FRMPD4: variants seen among roughly 807,000 people sequenced by gnomAD.
FRMPD4 encodes FERM and PDZ domain-containing protein 4.
A neutral mutation model predicts 94.1 loss-of-function variants in FRMPD4; 22 were observed. The ratio of observed to expected loss-of-function variants is 0.23; its 90% CI spans 0.17 to 0.33. The LOEUF is 0.33. FRMPD4 is among the 10% of genes least tolerant of loss of function. FRMPD4 has a pLI of 1.00. For missense variants in FRMPD4, 1,111 were observed against 1,339.9 expected (o/e 0.83, Z 2.67); for synonymous variants, 631 against 548.6 (o/e 1.15, Z -2.10).
At position 12,204,279 on chromosome X, in the gene FRMPD4, A is replaced by G. The variant is rs192621766; in HGVS notation, c.41+65267A>G. ...AAGAATTACCCAGCCCAAAATGTCA[A>G]TAGTGCCACAGTTAAGAAATTCTGC... is the stretch of plus-strand genomic sequence containing the variant. On this transcript the variant is annotated intron_variant, in intron 1 of 16. Transcript: ENST00000675598. Among the ~76,000 whole-genome samples, 8 of 112,596 alleles carry G rather than the reference A, an allele frequency of 7.1e-5. No homozygotes were observed. In the East Asian group the frequency reaches 1.4e-3, roughly 20 times the overall value.
At chrX:12,431,759 AAT>A (rs1460982255) in intron 1 of FRMPD4, among the ~76,000 whole-genome samples, 4 of 112,307 alleles carry the variant, frequency 3.6e-5, no homozygotes, top group Non-Finnish European at 7.5e-5. Flanking sequence ...TTGTTTACAC[AAT>A]ATGTTTGCCT....
intron 4 of FRMPD4, among the ~76,000 whole-genome samples, chrX:12,641,113 C>T (rs1263515847): frequency 9.0e-6 from 1 of 111,104 alleles, no homozygotes; most frequent in Admixed American, 9.6e-5. Context: ...AGGTTGGACT[C>T]CCAGAAACTG....
intron 1 of FRMPD4, among the ~76,000 whole-genome samples, chrX:12,160,409 G>A: frequency 9.0e-6 from 1 of 111,440 alleles, no homozygotes; most frequent in Admixed American, 9.5e-5. Context: ...TTAGAACCAT[G>A]GTTTTGACCA....
At chrX:12,597,774 G>A (rs1382933874) in intron 2 of FRMPD4, among the ~76,000 whole-genome samples, 2 of 112,200 alleles carry the variant, frequency 1.8e-5, no homozygotes, top group African/African-American at 3.2e-5. Flanking sequence ...CAAATTTGGT[G>A]TTCTTCTCTC....
At chrX:12,629,438 A>C (rs908952379) in intron 4 of FRMPD4, among the ~76,000 whole-genome samples, 3 of 112,248 alleles carry the variant, frequency 2.7e-5, no homozygotes, top group African/African-American at 9.7e-5. Flanking sequence ...TCTGAGTTCA[A>C]GTTCTACCTC....
At chrX:11,887,395 C>T (rs2053851742) in intron 3 of FRMPD4, among the ~76,000 whole-genome samples, 1 of 111,731 alleles carries the variant, frequency 9.0e-6, no homozygotes, top group Non-Finnish European at 1.9e-5. Flanking sequence ...ACATACCTCG[C>T]TCCACATGTA....
chrX:12,281,064 G>T (rs1429818214), intron 1 of FRMPD4, among the ~76,000 whole-genome samples: 3 of 112,139 alleles, frequency 2.7e-5, no homozygotes, highest in African/African-American at 9.7e-5. Flanking sequence ...AAGCATTACT[G>T]TGGGAAAAGT....
At chrX:12,182,581 T>A (rs67578541) in intron 1 of FRMPD4, among the ~76,000 whole-genome samples, 78 of 94,947 alleles carry the variant, frequency 8.2e-4, no homozygotes, top group African/African-American at 5.8e-4. Flanking sequence ...TAAATAAATA[T>A]ATATATATAT....
intron 3 of FRMPD4, among the ~76,000 whole-genome samples, chrX:12,131,572 C>T (rs1380655161): frequency 9.0e-6 from 1 of 111,702 alleles, no homozygotes; most frequent in African/African-American, 3.3e-5. Flanking sequence ...TTCTGTTGTT[C>T]TTTCTTATGC....
chrX:12,456,692 A>G (rs1014117019), intron 1 of FRMPD4, among the ~76,000 whole-genome samples: 6 of 113,158 alleles, frequency 5.3e-5, no homozygotes, highest in African/African-American at 1.9e-4. Flanking sequence ...TAAGATTCTT[A>G]AATAATTTTG....
intron 5 of FRMPD4, among the ~76,000 whole-genome samples, chrX:12,680,297 T>C (rs776523436): frequency 8.9e-6 from 1 of 112,414 alleles, no homozygotes; most frequent in African/African-American, 3.2e-5. Flanking sequence ...ACTTGTTATT[T>C]CCACCACAGG....
chrX:12,238,194 A>G (rs1259481797), intron 1 of FRMPD4, among the ~76,000 whole-genome samples: 1 of 111,611 alleles, frequency 9.0e-6, no homozygotes, highest in African/African-American at 3.3e-5. Context: ...GTGCCATCTC[A>G]GCTCACCACA....
chrX:12,543,089 C>T (rs986480864), intron 2 of FRMPD4, among the ~76,000 whole-genome samples: 4 of 111,494 alleles, frequency 3.6e-5, no homozygotes, highest in African/African-American at 1.3e-4. Flanking sequence ...AAAATTAATT[C>T]AAGATGGATT....
At chrX:12,464,236 G>A (rs1352705980) in intron 1 of FRMPD4, among the ~76,000 whole-genome samples, 1 of 111,539 alleles carries the variant, frequency 9.0e-6, no homozygotes, top group Non-Finnish European at 1.9e-5. Flanking sequence ...AGAAAAGTGG[G>A]GAGACCTCAT....
At chrX:12,455,645 G>A (rs774584473) in intron 1 of FRMPD4, among the ~76,000 whole-genome samples, 1 of 111,608 alleles carries the variant, frequency 9.0e-6, no homozygotes, top group Non-Finnish European at 1.9e-5. Context: ...ATGACCAGTG[G>A]CCTAGGACAT....
At chrX:12,206,817 T>C (rs770810414) in intron 1 of FRMPD4, among the ~76,000 whole-genome samples, 64 of 112,495 alleles carry the variant, frequency 5.7e-4, no homozygotes, top group Non-Finnish European at 9.6e-4. Flanking sequence ...CAACAAATTA[T>C]CCTTTAATTA....
chrX:11,997,359 A>C (rs1475204447), intron 3 of FRMPD4, among the ~76,000 whole-genome samples: 1 of 111,970 alleles, frequency 8.9e-6, no homozygotes, highest in African/African-American at 3.2e-5. Context: ...AAGAAGAAGG[A>C]GTTCAAGGTT....
intron 1 of FRMPD4, among the ~76,000 whole-genome samples, chrX:12,316,321 G>GT (rs200259407): frequency 9.0e-4 from 92 of 102,138 alleles, no homozygotes; most frequent in South Asian, 4.7e-3. Flanking sequence ...TAATTTTTGT[G>GT]TTTTTTTTTT....
intron 3 of FRMPD4, among the ~76,000 whole-genome samples, chrX:12,053,370 G>T (rs1421128210): frequency 1.9e-5 from 1 of 52,834 alleles, no homozygotes; most frequent in African/African-American, 7.2e-5. Flanking sequence ...AAGAAAGAAA[G>T]AAAGAAAGAA....
Sources: allele counts gnomAD v4.1 joint callset (sites outside exome capture counted in the v4.1 genomes callset), GRCh38; gene constraint gnomAD v4.1.1; transcripts MANE v1.5; gene names NCBI Gene and HGNC (gene_info 2026-07-23, HGNC 2026-07-21).